Variants in FBXO15 observed in about 807,000 individuals in gnomAD.
FBXO15 encodes the protein F-box protein 15.
In FBXO15, 30 loss-of-function variants were observed where a neutral mutation model predicts 49.5. The ratio of observed to expected loss-of-function variants is 0.61; its 90% CI spans 0.45 to 0.82. FBXO15 has a LOEUF of 0.82. Ranked by LOEUF, FBXO15 falls within the 40% of genes least tolerant of loss-of-function variation. FBXO15 has a pLI of 0.00. For missense variants in FBXO15, 591 were observed against 631.5 expected (o/e 0.94, Z 0.69); for synonymous variants, 250 against 232.7 (o/e 1.07, Z -0.68).
chr18:74,073,845 G>T, intron 9 of FBXO15, 115 bp from the exon 10 acceptor site: 1 of 1,309,542 alleles, frequency 7.6e-7, no homozygotes, highest in Non-Finnish European at 1.0e-6. Context: ...TCAAAATCCA[G>T]AATACTATCA....
At chr18:74,094,107 T>G (rs1913174415) in intron 8 of FBXO15, among the ~76,000 whole-genome samples, 2 of 152,220 alleles carry the variant, frequency 1.3e-5, no homozygotes, top group Non-Finnish European at 2.9e-5. Flanking sequence ...CTTGCATGAC[T>G]AGATGTATTC....
At chr18:74,136,912 G>A (rs773230661) in intron 2 of FBXO15, among the ~76,000 whole-genome samples, 1 of 152,110 alleles carries the variant, frequency 6.6e-6, no homozygotes, top group South Asian at 2.1e-4. Context: ...AAAAGGGCTT[G>A]CCCATACTGT....
intron 8 of FBXO15, among the ~76,000 whole-genome samples, chr18:74,108,569 C>T (rs1913874683): frequency 6.9e-6 from 1 of 145,384 alleles, no homozygotes. Flanking sequence ...AAGAAAACCA[C>T]AAAAGGTGTA....
intron 8 of FBXO15, among the ~76,000 whole-genome samples, chr18:74,106,134 G>A (rs1913751126): frequency 6.6e-6 from 1 of 151,916 alleles, no homozygotes; most frequent in Non-Finnish European, 1.5e-5. Flanking sequence ...AGAGGTAAGG[G>A]TACAGGAATC....
chr18:74,093,265 G>GGGT (rs1913131738), intron 8 of FBXO15, among the ~76,000 whole-genome samples: 1 of 130,090 alleles, frequency 7.7e-6, no homozygotes, highest in African/African-American at 3.3e-5. Context: ...CAAAACAATG[G>GGGT]GGGGGGGGTG....
chr18:74,117,396 T>G lies in FBXO15; in HGVS notation c.1138+5972A>C, dbSNP rs908459051. On this transcript the variant is annotated intron_variant, in intron 8 of 9. Transcript: ENST00000419743. Reference sequence around the variant, plus strand: ...CGTTAACACAAAATTGGCTTAAATGTTACTCCAGCAAGTCAACAGCCTACC... The same window carrying G: ...CGTTAACACAAAATTGGCTTAAATGGTACTCCAGCAAGTCAACAGCCTACC... Among the ~76,000 whole-genome samples the G allele has an allele frequency of 2.0e-5, 3 of 152,150 alleles. No homozygotes were observed. In the South Asian group the frequency reaches 6.2e-4, roughly 32 times the overall value.
chr18:74,136,214 C>T (rs1467430886), intron 2 of FBXO15, among the ~76,000 whole-genome samples: 2 of 152,282 alleles, frequency 1.3e-5, no homozygotes, highest in East Asian at 3.9e-4. Flanking sequence ...TAGGGTCTTG[C>T]TCTGTTACTC....
intron 7 of FBXO15, 91 bp from the exon 8 acceptor site, chr18:74,123,601 G>C: frequency 7.3e-7 from 1 of 1,373,364 alleles, no homozygotes; most frequent in Non-Finnish European, 9.8e-7. Flanking sequence ...ATTACCATCT[G>C]TATCAAAGCA....
At chr18:74,145,684 G>A (rs1599199453) in intron 1 of FBXO15, among the ~76,000 whole-genome samples, 2 of 136,384 alleles carry the variant, frequency 1.5e-5, no homozygotes, top group South Asian at 2.4e-4. Flanking sequence ...TGCAAGCTCC[G>A]CCTCCTGGGT....
intron 7 of FBXO15, 86 bp from the exon 8 acceptor site, chr18:74,123,596 C>A: frequency 7.1e-7 from 1 of 1,415,890 alleles, no homozygotes. Flanking sequence ...AAAAAATTAC[C>A]ATCTGTATCA....
chr18:74,090,679 G>C (rs150482280), intron 8 of FBXO15, among the ~76,000 whole-genome samples: 2,843 of 152,280 alleles, frequency 0.019, 41 homozygotes, highest in Non-Finnish European at 0.031. Flanking sequence ...TCAGGAGCAA[G>C]TTGTCTAATT....
intron 3 of FBXO15, among the ~76,000 whole-genome samples, chr18:74,132,232 G>A (rs1310091601): frequency 1.3e-5 from 2 of 152,212 alleles, no homozygotes; most frequent in African/African-American, 4.8e-5. Context: ...CCTTTGAATA[G>A]ACACTTTTAA....
At chr18:74,120,998 T>A (rs901963193) in intron 8 of FBXO15, among the ~76,000 whole-genome samples, 5 of 152,124 alleles carry the variant, frequency 3.3e-5, no homozygotes, top group Admixed American at 6.5e-5. Flanking sequence ...TGTCACTAGA[T>A]TCTATAGACA....
chr18:74,098,014 G>A (rs1478202520), intron 8 of FBXO15: 2 of 152,416 alleles, frequency 1.3e-5, no homozygotes, highest in Non-Finnish European at 2.9e-5. Context: ...AGATCCAGAA[G>A]AGAGATAACA....
chr18:74,076,662 C>G (rs923696733), intron 9 of FBXO15: 8 of 152,246 alleles, frequency 5.3e-5, no homozygotes, highest in Admixed American at 3.3e-4. Context: ...GATCTCCCCA[C>G]TCATTCGCCA....
chr18:74,125,943 T>G (rs754972172), intron 6 of FBXO15, 32 bp downstream of exon 6: 2 of 1,610,004 alleles, frequency 1.2e-6, no homozygotes, highest in South Asian at 2.2e-5. Context: ...GATGGGGAAA[T>G]GACACAGTAC....
At chr18:74,132,870 C>T (rs980945520) in intron 3 of FBXO15, among the ~76,000 whole-genome samples, 5 of 152,102 alleles carry the variant, frequency 3.3e-5, no homozygotes, top group Non-Finnish European at 7.4e-5. Flanking sequence ...ATCCACACAC[C>T]CCTGTTTTTC....
intron 8 of FBXO15, among the ~76,000 whole-genome samples, chr18:74,105,852 A>G (rs117911958): frequency 0.055 from 8,422 of 152,304 alleles, 345 homozygotes; most frequent in Non-Finnish European, 0.085. Context: ...CCAAATAAAA[A>G]TATATCCATT....
At chr18:74,095,782 G>A (rs1041492870) in intron 8 of FBXO15, among the ~76,000 whole-genome samples, 2 of 152,184 alleles carry the variant, frequency 1.3e-5, no homozygotes, top group Admixed American at 1.3e-4. Context: ...CTTTGAAGCT[G>A]TAAAAACTAC....
Sources: allele counts gnomAD v4.1 joint callset (sites outside exome capture counted in the v4.1 genomes callset), GRCh38; gene constraint gnomAD v4.1.1; transcripts MANE v1.5; gene names NCBI Gene and HGNC (gene_info 2026-07-23, HGNC 2026-07-21).